NKAIN2: variants seen among roughly 807,000 people sequenced by gnomAD.
The protein encoded by NKAIN2 is sodium/potassium-transporting ATPase subunit beta-1-interacting protein 2.
In NKAIN2, 14 loss-of-function variants were observed where a neutral mutation model predicts 32.6. The observed-to-expected ratio is 0.43, with a 90% confidence interval of 0.28 to 0.67. The LOEUF (loss-of-function observed/expected upper bound fraction) is 0.67. NKAIN2 is among the 30% of genes least tolerant of loss of function. NKAIN2 has a pLI of 0.17. For synonymous variants in NKAIN2, 80 were observed against 87.2 expected (o/e 0.92, Z 0.46); for missense variants, 198 against 258.3 (o/e 0.77, Z 1.60).
At chr6:124,103,814 G>A (rs1784995541) in intron 1 of NKAIN2, among the ~76,000 whole-genome samples, 1 of 152,104 alleles carries the variant, frequency 6.6e-6, no homozygotes, top group African/African-American at 2.4e-5. Context: ...GGGGCCGGGT[G>A]CGGTGGCTCA....
intron 1 of NKAIN2, among the ~76,000 whole-genome samples, chr6:124,221,312 A>C (rs1791803358): frequency 6.6e-6 from 1 of 151,202 alleles, no homozygotes; most frequent in Admixed American, 6.6e-5. Flanking sequence ...AAGAACAAAA[A>C]ACCAAACACC....
chr6:124,802,122 A>G (rs1780288794), intron 5 of NKAIN2, among the ~76,000 whole-genome samples: 1 of 152,192 alleles, frequency 6.6e-6, no homozygotes, highest in East Asian at 1.9e-4. Context: ...AAATGATACA[A>G]AGATTATGTT....
intron 1 of NKAIN2, among the ~76,000 whole-genome samples, chr6:124,187,867 A>G (rs1437466907): frequency 6.6e-6 from 1 of 151,812 alleles, no homozygotes; most frequent in Non-Finnish European, 1.5e-5. Flanking sequence ...ATCCTTAACT[A>G]TCTTCTAGAT....
intron 1 of NKAIN2, among the ~76,000 whole-genome samples, chr6:123,888,290 C>A (rs1239036997): frequency 6.6e-6 from 1 of 152,014 alleles, no homozygotes; most frequent in Non-Finnish European, 1.5e-5. Flanking sequence ...TATGTGATAT[C>A]TTTGGTTAAC....
chr6:124,148,290 T>G (rs1170476642), intron 1 of NKAIN2, among the ~76,000 whole-genome samples: 2 of 78,296 alleles, frequency 2.6e-5, no homozygotes, highest in East Asian at 8.1e-4. Flanking sequence ...CTTTTTAACT[T>G]ATAGAATTTG....
intron 1 of NKAIN2, among the ~76,000 whole-genome samples, chr6:124,215,291 GA>G (rs575318390): frequency 9.0e-4 from 137 of 152,204 alleles, no homozygotes; most frequent in African/African-American, 3.2e-3. Flanking sequence ...TTTAAAATTA[GA>G]AGGTCATTTA....
intron 3 of NKAIN2, among the ~76,000 whole-genome samples, chr6:124,550,280 C>T (rs1177154813): frequency 6.6e-6 from 1 of 152,118 alleles, no homozygotes; most frequent in Non-Finnish European, 1.5e-5. Flanking sequence ...TTCTCTTGCT[C>T]AGGTTGCTTT....
chr6:124,076,180 C>T (rs1262559856), intron 1 of NKAIN2, among the ~76,000 whole-genome samples: 3 of 152,156 alleles, frequency 2.0e-5, no homozygotes, highest in African/African-American at 7.2e-5. Flanking sequence ...AAATAGTCTA[C>T]TCTGAAAGAA....
intron 3 of NKAIN2, among the ~76,000 whole-genome samples, chr6:124,427,019 G>A (rs1775012062): frequency 6.6e-6 from 1 of 152,090 alleles, no homozygotes; most frequent in Admixed American, 6.6e-5. Context: ...GTCTTTATCA[G>A]GAGCCTGGAA....
At chr6:124,374,135 A>G (rs947102786) in intron 3 of NKAIN2, among the ~76,000 whole-genome samples, 1 of 152,114 alleles carries the variant, frequency 6.6e-6, no homozygotes, top group Non-Finnish European at 1.5e-5. Context: ...AGGTAAGAAA[A>G]GGGACAGTGA....
At chr6:124,477,001 C>G (rs1777244357) in intron 3 of NKAIN2, among the ~76,000 whole-genome samples, 2 of 152,158 alleles carry the variant, frequency 1.3e-5, no homozygotes, top group Non-Finnish European at 2.9e-5. Flanking sequence ...CTTACAAGTA[C>G]AGAGCCTCAG....
At chr6:124,789,648 A>C (rs1375932230) in intron 4 of NKAIN2, among the ~76,000 whole-genome samples, 1 of 151,964 alleles carries the variant, frequency 6.6e-6, no homozygotes, top group Non-Finnish European at 1.5e-5. Context: ...ACAAATCAAA[A>C]TCTTTGCTAA....
chr6:124,509,201 T>G (rs936375270), intron 3 of NKAIN2, among the ~76,000 whole-genome samples: 3 of 152,172 alleles, frequency 2.0e-5, no homozygotes, highest in African/African-American at 4.8e-5. Context: ...GGAAGTTATC[T>G]TTCACTGGGC....
intron 1 of NKAIN2, among the ~76,000 whole-genome samples, chr6:124,199,655 A>T (rs1161220336): frequency 6.6e-6 from 1 of 152,188 alleles, no homozygotes; most frequent in Non-Finnish European, 1.5e-5. Flanking sequence ...GGATTTTCTT[A>T]ACTGTTTAAA....
intron 1 of NKAIN2, among the ~76,000 whole-genome samples, chr6:123,921,663 G>C (rs1775761059): frequency 6.6e-6 from 1 of 152,144 alleles, no homozygotes; most frequent in Non-Finnish European, 1.5e-5. Flanking sequence ...ATGACCATTG[G>C]AGATATTTAA....
At chr6:124,397,028 G>C (rs558306263) in intron 3 of NKAIN2, among the ~76,000 whole-genome samples, 7 of 152,186 alleles carry the variant, frequency 4.6e-5, no homozygotes, top group South Asian at 2.1e-4. Flanking sequence ...ACAGTTAACT[G>C]TTTTATTAAC....
At chr6:124,568,532 C>A (rs987507120) in intron 3 of NKAIN2, among the ~76,000 whole-genome samples, 2 of 152,058 alleles carry the variant, frequency 1.3e-5, no homozygotes, top group Admixed American at 1.3e-4. Flanking sequence ...TCCCTGGGGT[C>A]AATTAATATT....
At chr6:124,498,142 G>A (rs1778139513) in intron 3 of NKAIN2, among the ~76,000 whole-genome samples, 2 of 152,088 alleles carry the variant, frequency 1.3e-5, no homozygotes, top group Non-Finnish European at 2.9e-5. Context: ...TGAAATCTGG[G>A]AAAGTTATCC....
chr6:124,431,376 C>A (rs1775211309), intron 3 of NKAIN2, among the ~76,000 whole-genome samples: 1 of 152,106 alleles, frequency 6.6e-6, no homozygotes, highest in Non-Finnish European at 1.5e-5. Context: ...CAAAACAAAA[C>A]CATGAAAGCC....
Sources: gnomAD v4.1 joint callset for allele counts (sites outside exome capture counted in the v4.1 genomes callset) on GRCh38, gnomAD v4.1.1 for gene constraint, MANE v1.5 for transcripts, NCBI Gene and HGNC (gene_info 2026-07-23, HGNC 2026-07-21) for gene names.